The following PPP3CA variants were observed in gnomAD, a reference collection of about 807,000 sequenced individuals.
The protein encoded by PPP3CA is protein phosphatase 3 catalytic subunit alpha.
Under a neutral mutation model 66.5 loss-of-function variants are expected in PPP3CA, and 14 were observed. That is an observed-to-expected ratio of 0.21 (90% CI 0.14 to 0.33). The LOEUF (loss-of-function observed/expected upper bound fraction) is 0.33, where lower values mean the gene tolerates loss of function less well. Ranked by LOEUF, PPP3CA falls within the 10% of genes least tolerant of loss-of-function variation. The pLI is 1.00. For synonymous variants in PPP3CA, 232 were observed against 226.2 expected (o/e 1.03, Z -0.23); for missense variants, 317 against 639.5 (o/e 0.50, Z 5.44).
intron 2 of PPP3CA, among the ~76,000 whole-genome samples, chr4:101,187,134 T>C (rs1724437747): frequency 6.6e-6 from 1 of 152,176 alleles, no homozygotes; most frequent in African/African-American, 2.4e-5. Flanking sequence ...GACACCATGC[T>C]GGATAGGGAG....
intron 1 of PPP3CA, among the ~76,000 whole-genome samples, chr4:101,260,215 C>T (rs1170906638): frequency 6.6e-6 from 1 of 152,042 alleles, no homozygotes; most frequent in African/African-American, 2.4e-5. Flanking sequence ...TTCATACTGT[C>T]TGTAATTTAA....
chr4:101,280,780 A>T (rs1727655008), intron 1 of PPP3CA, among the ~76,000 whole-genome samples: 1 of 144,338 alleles, frequency 6.9e-6, no homozygotes, highest in Non-Finnish European at 1.5e-5. Context: ...AGATCACCTC[A>T]TTGCACTCCA....
At chr4:101,082,616 G>A (rs1729487727) in intron 7 of PPP3CA, among the ~76,000 whole-genome samples, 2 of 152,086 alleles carry the variant, frequency 1.3e-5, no homozygotes, top group Admixed American at 1.3e-4. Context: ...CTACATCTTA[G>A]AAACTTACCA....
At chr4:101,108,839 G>T (rs1721537623) in intron 3 of PPP3CA, 115 bp downstream of exon 3, 6 of 1,032,322 alleles carry the variant, frequency 5.8e-6, no homozygotes, top group Non-Finnish European at 8.6e-6. Flanking sequence ...TGAATTAAGT[G>T]AATTAAATTT....
intron 1 of PPP3CA, chr4:101,330,360 T>TA (rs1477257663): frequency 3.9e-6 from 2 of 507,504 alleles, no homozygotes; most frequent in African/African-American, 2.0e-5. Context: ...CTTTAGAATC[T>TA]AAAAAATCTA....
intron 2 of PPP3CA, among the ~76,000 whole-genome samples, chr4:101,148,482 A>T (rs1194244853): frequency 1.3e-5 from 2 of 152,180 alleles, no homozygotes; most frequent in Non-Finnish European, 2.9e-5. Flanking sequence ...ATGAAAAGAA[A>T]CATTACCATA....
intron 3 of PPP3CA, chr4:101,108,211 G>A (rs1721503500): frequency 6.6e-6 from 1 of 152,174 alleles, no homozygotes; most frequent in Non-Finnish European, 1.5e-5. Context: ...AGCTGTAAGT[G>A]TACTCACACA....
rs111727621 is a variant in PPP3CA, at chr4:101,080,805, T to A, written c.861-179A>T. Among the ~76,000 whole-genome samples, 716 of 152,244 alleles carry A rather than the reference T, an allele frequency of 4.7e-3. 4 individuals are homozygous for A. Among genetic ancestry groups the A allele is most frequent in the Middle Eastern group, 0.01 (3 of 294 alleles). On this transcript the variant is annotated intron_variant, in intron 7 of 13. Transcript: ENST00000394854. ...TGTTATACACAGGTATTAATACATT[T>A]CAGGGGGGTGGGTATGAAAACATAC...
At chr4:101,272,155 C>A (rs979214804) in intron 1 of PPP3CA, among the ~76,000 whole-genome samples, 1 of 152,162 alleles carries the variant, frequency 6.6e-6, no homozygotes, top group African/African-American at 2.4e-5. Context: ...CTCCACTATA[C>A]AACTTCTATT....
At position 101,305,789 on chromosome 4, in the gene PPP3CA, A is replaced by G. The variant is rs116764380; in HGVS notation, c.58+40950T>C. Among the ~76,000 whole-genome samples, 755 of 152,344 alleles carry G rather than the reference A, an allele frequency of 5.0e-3. 5 individuals are homozygous for G. The highest frequency in any genetic ancestry group is 0.016 in the African/African-American group (678 of 41,578). ...AGGTTATGGAGGGGGGTGTTTAAAA[A>G]GAATCAATGATAATGAAGTTTCAAC... On this transcript the variant is annotated intron_variant, in intron 1 of 13. Coordinates refer to ENST00000394854, the MANE Select transcript of PPP3CA (RefSeq NM_000944.5).
chr4:101,059,085 C>T (rs1312144621), intron 10 of PPP3CA, among the ~76,000 whole-genome samples: 1 of 151,902 alleles, frequency 6.6e-6, no homozygotes, highest in Non-Finnish European at 1.5e-5. Context: ...TACTGAAAAA[C>T]GTTTGTTGAT....
At chr4:101,286,743 A>C (rs2110284133) in intron 1 of PPP3CA, among the ~76,000 whole-genome samples, 1 of 152,316 alleles carries the variant, frequency 6.6e-6, no homozygotes, top group East Asian at 1.9e-4. Flanking sequence ...TAAAAAATTA[A>C]GTATAAGAAA....
chr4:101,189,962 T>C (rs1418729385), intron 2 of PPP3CA, among the ~76,000 whole-genome samples: 1 of 151,886 alleles, frequency 6.6e-6, no homozygotes, highest in Admixed American at 6.6e-5. Context: ...GAGAATAAAA[T>C]CAATGAAGTC....
chr4:101,088,157 C>T (rs866755065), intron 6 of PPP3CA, among the ~76,000 whole-genome samples: 6 of 152,234 alleles, frequency 3.9e-5, no homozygotes, highest in South Asian at 2.1e-4. Flanking sequence ...TGTGTGTGTG[C>T]GCGTGTGTGT....
At chr4:101,315,255 C>G (rs1036761895) in intron 1 of PPP3CA, among the ~76,000 whole-genome samples, 6 of 152,204 alleles carry the variant, frequency 3.9e-5, no homozygotes, top group Non-Finnish European at 7.3e-5. Flanking sequence ...CCCATGCTGG[C>G]ACCCTGACTT....
At chr4:101,124,703 AAG>A (rs1172673594) in intron 2 of PPP3CA, among the ~76,000 whole-genome samples, 175 of 104,264 alleles carry the variant, frequency 1.7e-3, no homozygotes, top group African/African-American at 6.6e-3. Flanking sequence ...GAAAGAAAGA[AAG>A]AAAGAAAGAA....
chr4:101,313,915 T>A (rs1728801962), intron 1 of PPP3CA, among the ~76,000 whole-genome samples: 2 of 152,142 alleles, frequency 1.3e-5, no homozygotes, highest in Admixed American at 6.5e-5. Context: ...AGTGAACATA[T>A]AAGAAAATGG....
At chr4:101,073,295 T>A (rs1729002847) in intron 8 of PPP3CA, among the ~76,000 whole-genome samples, 1 of 151,108 alleles carries the variant, frequency 6.6e-6, no homozygotes, top group Admixed American at 6.6e-5. Flanking sequence ...TTTTTTTTTT[T>A]AGATGGAGTC....
At chr4:101,176,930 C>T (rs1724079867) in intron 2 of PPP3CA, among the ~76,000 whole-genome samples, 1 of 152,016 alleles carries the variant, frequency 6.6e-6, no homozygotes. Flanking sequence ...ATAGCCACAA[C>T]ATTATTCAAA....
Sources: gnomAD v4.1 joint callset for allele counts (sites outside exome capture counted in the v4.1 genomes callset) on GRCh38, gnomAD v4.1.1 for gene constraint, MANE v1.5 for transcripts, NCBI Gene and HGNC (gene_info 2026-07-23, HGNC 2026-07-21) for gene names.